The following KRT74 variants were observed in gnomAD, a reference collection of about 807,000 sequenced individuals.
KRT74 encodes the protein keratin, type II cytoskeletal 74.
A neutral mutation model predicts 42.7 loss-of-function variants in KRT74; 43 were observed. The observed-to-expected ratio is 1.01, with a 90% CI of 0.79 to 1.30. The LOEUF (loss-of-function observed/expected upper bound fraction) is 1.30, where lower values mean the gene tolerates loss of function less well. Among genes scored for constraint, KRT74 ranks in the 50% most tolerant of loss-of-function variants. KRT74 has a pLI of 0.00. For synonymous variants in KRT74, 302 were observed against 279.0 expected (o/e 1.08, Z -0.82); for missense variants, 736 against 689.1 (o/e 1.07, Z -0.76).
In KRT74 at chr12:52,571,290, C is replaced by T. The variant is rs1259137856; in HGVS notation, c.843+69G>A. 5 of 982,570 alleles carry T rather than the reference C, an allele frequency of 5.1e-6. No individual in the cohort carries two copies. The Admixed American group carries it at 6.8e-5, about 13-fold the overall frequency. The allele number at this position is 982,570 out of a possible 1,614,324, so 60.9% of individuals were successfully genotyped here. A position where few individuals can be genotyped will look rare whatever the true frequency, so the allele number is the denominator to read the frequency against. ...TCATTTTGTTGATCCTAAATCTCTCCTTTTGGTATCTCCCTGGAAGAGTCG... is the reference window on the plus strand; with the variant it reads ...TCATTTTGTTGATCCTAAATCTCTCTTTTTGGTATCTCCCTGGAAGAGTCG... On this transcript the variant is annotated intron_variant, in intron 4 of 8. Coordinates refer to ENST00000305620, the MANE Select transcript of KRT74 (RefSeq NM_175053.4).
chr12:52,570,433 G>A (rs912659395), intron 5 of KRT74, among the ~76,000 whole-genome samples: 8 of 152,216 alleles, frequency 5.3e-5, no homozygotes, highest in African/African-American at 9.7e-5. Flanking sequence ...CAGGCAGTTC[G>A]TGGATGGAGG....
chr12:52,571,337 G>C, intron 4 of KRT74, 22 bp downstream of exon 4: 2 of 1,409,934 alleles, frequency 1.4e-6, no homozygotes, highest in Admixed American at 3.3e-5. Context: ...GGGTGAGGGT[G>C]GGGGGACAGG....
chr12:52,568,057 C>A (rs974875731), intron 7 of KRT74, 112 bp downstream of exon 7: 11 of 1,275,244 alleles, frequency 8.6e-6, no homozygotes, highest in African/African-American at 1.5e-5. Flanking sequence ...CACGAAATCA[C>A]CACATCTCTT....
At chr12:52,571,166 G>C (rs576515316) in intron 4 of KRT74, among the ~76,000 whole-genome samples, 193 bp downstream of exon 4, 71 of 152,370 alleles carry the variant, frequency 4.7e-4, no homozygotes, top group African/African-American at 1.6e-3. Context: ...ATTGTATCAA[G>C]ATCAATTTCC....
Position 52,567,675 on chromosome 12 carries a change from T to C in KRT74, c.1374A>G (p.Pro458=), listed in dbSNP as rs774988129. The part of the protein sequence containing the change: ...GEECRMSGEN[P]SSVSISVISS... ...AATACTCACAGATGCTCACAGAGGATGGATTCTCACCAGACATCCTGTGAG... is the reference window on the plus strand; with the variant it reads ...AATACTCACAGATGCTCACAGAGGACGGATTCTCACCAGACATCCTGTGAG... The change falls in exon 8 of 9, where the codon CCA becomes CCG. Residue 458 remains proline, a synonymous_variant. Coordinates refer to ENST00000305620, the MANE Select transcript of KRT74 (RefSeq NM_175053.4). 1.9e-6 allele frequency: 3 copies of C among 1,612,758 alleles called. 1 individual carries two copies. Among genetic ancestry groups the C allele is most frequent in the South Asian group, 2.2e-5 (2 of 91,028 alleles).
At chr12:52,567,980 A>T (rs1334732862) in intron 7 of KRT74, among the ~76,000 whole-genome samples, 189 bp downstream of exon 7, 1 of 152,072 alleles carries the variant, frequency 6.6e-6, no homozygotes, top group Non-Finnish European at 1.5e-5. Context: ...TCATCACAGC[A>T]GCACACGGCC....
Position 52,567,011 on chromosome 12 carries a change from C to T in KRT74, c.1548G>A (p.Lys516=), listed in dbSNP as rs758780329. 1.0e-5 allele frequency: 16 copies of T among 1,606,812 alleles called. No homozygotes were observed. Among genetic ancestry groups the T allele is most frequent in the Non-Finnish European group, 1.2e-5 (14 of 1,175,444 alleles). ...TTGCTGGGATGCTGGCTGGGGTGCT[C>T]TTGCCCTGGGTGTCCTTGAGGTCTC... The part of the protein sequence containing the change: ...RGGDLKDTQG[K]STPASIPARK... The change falls in exon 9 of 9, where the codon AAG becomes AAA. Residue 516 remains lysine (K), a synonymous_variant. Transcript: ENST00000305620.
chr12:52,568,261 C>A lies in KRT74; in HGVS notation c.1263G>T (p.Met421Ile). 2 of 1,614,188 alleles carry A rather than the reference C, an allele frequency of 1.2e-6. No homozygotes were observed. The highest frequency in any genetic ancestry group is 1.3e-5 in the African/African-American group (1 of 75,050). ...LHQAKEELAR[M>I]LREYQELMSL... ...TCATGAGCTCCTGGTACTCGCGCAG[C>A]ATCCGCGCCAGCTCCTCCTTGGCCT... The change falls in exon 7 of 9, where the codon ATG becomes ATT. Residue 421 changes from methionine to isoleucine, a missense_variant. Met to Ile is a conservative substitution (Grantham distance 10, BLOSUM62 1). Transcript: ENST00000305620.
rs143284700 is a variant in KRT74 at position 52,571,984 on chromosome 12, C to T, written c.707G>A (p.Arg236Gln). 10 of 1,598,554 alleles carry T rather than the reference C, an allele frequency of 6.3e-6. No individual in the cohort carries two copies. The East Asian group carries it at 6.7e-5, about 11-fold the overall frequency. ...YKKRYEVEIN[R>Q]RTTAENEFVV... Reference sequence around the variant, plus strand: ...AAACTCATTCTCTGCTGTCGTGCGCCGGTTAATCTCCACTTCATATCTGCC... The same window carrying T: ...AAACTCATTCTCTGCTGTCGTGCGCTGGTTAATCTCCACTTCATATCTGCC... Residue 236 changes from arginine to glutamine, a missense_variant, in exon 3 of 9, where the codon CGG becomes CAG. Coordinates refer to ENST00000305620, the MANE Select transcript of KRT74 (RefSeq NM_175053.4).
rs763517375 is a variant in KRT74, at chr12:52,573,559, G to C, written c.219C>G (p.Tyr73Ter). 5 of 1,614,062 alleles carry C rather than the reference G, an allele frequency of 3.1e-6. No homozygotes were observed. The highest frequency in any genetic ancestry group is 4.2e-6 in the Non-Finnish European group (5 of 1,180,038). ...CATACCCAGAGCCAGGCCTGAAGCC[G>C]TAACCTCCAGCCCGAACGCCGCCAC... ...VAGGGVRAGG[Y>*]GFRPGSGYGG... Residue 73 changes from tyrosine to a stop codon, truncating the protein, a stop_gained, in exon 1 of 9, where the codon TAC becomes TAG. Transcript: ENST00000305620. LOFTEE classifies it high-confidence loss of function.
At chr12:52,570,055 C>G (rs1017477418) in intron 5 of KRT74, 71 bp from the exon 6 acceptor site, 22 of 1,542,106 alleles carry the variant, frequency 1.4e-5, no homozygotes, top group Non-Finnish European at 1.8e-5. Context: ...AATAAGCCAC[C>G]CCTGCCACCC....
intron 1 of KRT74, among the ~76,000 whole-genome samples, chr12:52,572,953 T>C (rs1324251972): frequency 6.6e-6 from 1 of 152,164 alleles, no homozygotes; most frequent in African/African-American, 2.4e-5. Context: ...CTCAACTAAG[T>C]GTCTCTTCCT....
At chr12:52,567,536 C>T in intron 8 of KRT74, 123 bp downstream of exon 8, 1 of 815,776 alleles carries the variant, frequency 1.2e-6, no homozygotes, top group South Asian at 1.4e-5. Context: ...CTTTGAAGCC[C>T]AGAAACCTTC....
intron 1 of KRT74, 143 bp downstream of exon 1, chr12:52,573,164 C>T: frequency 1.2e-6 from 1 of 815,668 alleles, no homozygotes; most frequent in South Asian, 1.5e-5. Context: ...GCTCACAGAC[C>T]TACTCTCCTT....
rs144445159 is a variant in KRT74, at chr12:52,571,456, T to C, written c.748-2A>G. The C allele has an allele frequency of 8.5e-4, 1,371 of 1,611,870 alleles. 6 individuals are homozygous for C. Among genetic ancestry groups the C allele is most frequent in the Middle Eastern group, 3.5e-3 (21 of 6,058 alleles). Reference sequence around the variant, plus strand: ...GACTGCGTAGGCTGCATCTGCATCCTGCCAAGAGGCCCCAGAGTCATTGGG... The same window carrying C: ...GACTGCGTAGGCTGCATCTGCATCCCGCCAAGAGGCCCCAGAGTCATTGGG... On this transcript the variant is annotated splice_acceptor_variant, in intron 3 of 8. Coordinates refer to ENST00000305620, the MANE Select transcript of KRT74 (RefSeq NM_175053.4). LOFTEE classifies it high-confidence loss of function.
intron 8 of KRT74, 111 bp downstream of exon 8, chr12:52,567,548 C>A: frequency 1.1e-6 from 1 of 872,260 alleles, no homozygotes. Context: ...GAAACCTTCC[C>A]AAGACAGTAA....
At position 52,573,755 on chromosome 12, in the gene KRT74, T is replaced by TTGA; in HGVS notation, c.20_22dup (p.Ile7dup). On this transcript the variant is annotated inframe_insertion, in exon 1 of 9. Transcript: ENST00000305620. Reference sequence around the variant, plus strand: ...GAAGTTGCCCTTGTCACCACTGGACTTGATGTTCAGTTGCCGACTCATGGT... The same window carrying TTGA: ...GAAGTTGCCCTTGTCACCACTGGACTTGATGATGTTCAGTTGCCGACTCATGGT... The TTGA allele has an allele frequency of 6.2e-7, 1 of 1,613,730 alleles. No individual in the cohort carries two copies. Among genetic ancestry groups the TTGA allele is most frequent in the Non-Finnish European group, 8.5e-7 (1 of 1,179,862 alleles).
intron 8 of KRT74, 98 bp downstream of exon 8, chr12:52,567,561 G>C: frequency 1.1e-6 from 1 of 916,558 alleles, no homozygotes; most frequent in South Asian, 1.3e-5. Flanking sequence ...GACAGTAACA[G>C]AAGCTTCTTG....
In KRT74 at chr12:52,571,409, C is replaced by A; in HGVS notation, c.793G>T (p.Val265Leu). The A allele has an allele frequency of 3.1e-6, 5 of 1,614,010 alleles. No individual in the cohort carries two copies. The highest frequency in any genetic ancestry group is 4.2e-6 in the Non-Finnish European group (5 of 1,179,890). Residue 265 changes from valine (V) to leucine (L), a missense_variant, in exon 4 of 9, where the codon GTG becomes TTG. Coordinates refer to ENST00000305620, the MANE Select transcript of KRT74 (RefSeq NM_175053.4). ...TTGATTTCTTTGTCCAGTGAGTCCA[C>A]TTTGGCCTGAAGCTCCACCTTGACT... is the stretch of plus-strand genomic sequence containing the variant. ...YAVKVELQAK[V>L]DSLDKEIKFL...
Sources: gnomAD v4.1 joint callset for allele counts (sites outside exome capture counted in the v4.1 genomes callset) on GRCh38, gnomAD v4.1.1 for gene constraint, MANE v1.5 for transcripts, NCBI Gene and HGNC (gene_info 2026-07-23, HGNC 2026-07-21) for gene names.